The following XYLT1 variants were observed in gnomAD, a reference collection of about 807,000 sequenced individuals.
XYLT1 encodes the protein beta-D-xylosyltransferase 1.
A neutral mutation model predicts 91.3 loss-of-function variants in XYLT1; 36 were observed. The observed-to-expected ratio is 0.39, with a 90% CI of 0.30 to 0.52. The LOEUF (loss-of-function observed/expected upper bound fraction) is 0.52, where lower values mean the gene tolerates loss of function less well. XYLT1 is among the 20% of genes least tolerant of loss of function. The pLI, the probability that XYLT1 is intolerant of heterozygous loss-of-function variation, is 0.68. For missense variants in XYLT1, 1,242 were observed against 1,284.5 expected, an observed-to-expected ratio of 0.97 and a Z score of 0.51; for synonymous variants, 588 against 532.0, an observed-to-expected ratio of 1.11 and a Z score of -1.45.
At chr16:17,437,397 C>T (rs971888255) in intron 1 of XYLT1, among the ~76,000 whole-genome samples, 6 of 152,100 alleles carry the variant, frequency 3.9e-5, no homozygotes, top group African/African-American at 1.2e-4. Context: ...CGCCTCCAAT[C>T]GTATTTGGCT....
chr16:17,396,352 T>C (rs958675020), intron 1 of XYLT1, among the ~76,000 whole-genome samples: 8 of 152,176 alleles, frequency 5.3e-5, no homozygotes, highest in African/African-American at 1.7e-4. Context: ...TGGGTGACCT[T>C]GGGCATGTTG....
At chr16:17,168,214 G>A (rs185892642) in intron 5 of XYLT1, among the ~76,000 whole-genome samples, 9 of 152,324 alleles carry the variant, frequency 5.9e-5, no homozygotes, top group Admixed American at 2.0e-4. Context: ...ATGGTGAACT[G>A]GATAAGGAAG....
At chr16:17,272,978 G>A (rs2033918949) in intron 2 of XYLT1, among the ~76,000 whole-genome samples, 1 of 152,182 alleles carries the variant, frequency 6.6e-6, no homozygotes, top group African/African-American at 2.4e-5. Context: ...GGATGCTGTT[G>A]GCAATGAGTG....
intron 3 of XYLT1, among the ~76,000 whole-genome samples, chr16:17,222,771 C>A (rs2032992604): frequency 8.5e-6 from 1 of 117,338 alleles, no homozygotes; most frequent in Non-Finnish European, 1.6e-5. Context: ...GCCTGGGTGA[C>A]AGAGCAAAAC....
chr16:17,301,966 C>T (rs2034402351), intron 2 of XYLT1, among the ~76,000 whole-genome samples: 1 of 152,154 alleles, frequency 6.6e-6, no homozygotes, highest in African/African-American at 2.4e-5. Context: ...AATCTCAGCA[C>T]TTTGGGAGGC....
rs564275188 is a variant in XYLT1, at chr16:17,244,147, C to G, written c.913+14841G>C. On this transcript the variant is annotated intron_variant, in intron 3 of 11. Coordinates refer to ENST00000261381, the MANE Select transcript of XYLT1 (RefSeq NM_022166.4). ...AGGGAAAGGGCAGAACTAGGGGGAACAGGATGTTCTCCCAGGTCCGGGCTT... is the reference window on the plus strand; with the variant it reads ...AGGGAAAGGGCAGAACTAGGGGGAAGAGGATGTTCTCCCAGGTCCGGGCTT... Among the ~76,000 whole-genome samples the G allele has an allele frequency of 1.6e-4, 24 of 152,202 alleles. 1 individual carries two copies. The South Asian group carries it at 4.8e-3, about 30-fold the overall frequency.
At chr16:17,245,734 T>C (rs2033425508) in intron 3 of XYLT1, among the ~76,000 whole-genome samples, 1 of 152,198 alleles carries the variant, frequency 6.6e-6, no homozygotes, top group Admixed American at 6.5e-5. Context: ...GGGTAATAAA[T>C]TGTGACCTAA....
chr16:17,134,970 T>C (rs543044591), intron 8 of XYLT1, among the ~76,000 whole-genome samples: 3 of 152,254 alleles, frequency 2.0e-5, no homozygotes, highest in African/African-American at 7.2e-5. Context: ...GTAAGCATCA[T>C]TTCTTAGTAA....
intron 3 of XYLT1, among the ~76,000 whole-genome samples, chr16:17,202,228 A>C (rs1597188553): frequency 6.6e-6 from 1 of 152,186 alleles, no homozygotes; most frequent in Non-Finnish European, 1.5e-5. Context: ...AGTAGCTGCA[A>C]GTGTCCCAGC....
chr16:17,301,246 A>G (rs2034390742), intron 2 of XYLT1, among the ~76,000 whole-genome samples: 2 of 152,110 alleles, frequency 1.3e-5, no homozygotes, highest in Middle Eastern at 3.4e-3. Flanking sequence ...CTCTGTCTCT[A>G]CTACAAATAT....
intron 10 of XYLT1, among the ~76,000 whole-genome samples, chr16:17,121,575 A>T (rs1416124525): frequency 6.6e-6 from 1 of 152,192 alleles, no homozygotes; most frequent in Admixed American, 6.5e-5. Flanking sequence ...TTGAGTTTAT[A>T]ATGTGTATGT....
chr16:17,325,088 T>C (rs962922201), intron 2 of XYLT1, among the ~76,000 whole-genome samples: 1 of 152,084 alleles, frequency 6.6e-6, no homozygotes, highest in Non-Finnish European at 1.5e-5. Context: ...ATATATATGA[T>C]GTTTGAAAAG....
intron 1 of XYLT1, among the ~76,000 whole-genome samples, chr16:17,438,982 C>A (rs1343973050): frequency 6.6e-6 from 1 of 152,122 alleles, no homozygotes; most frequent in Non-Finnish European, 1.5e-5. Context: ...AGTCAGTACA[C>A]CTCCATGTCT....
At position 17,223,669 on chromosome 16, in the gene XYLT1, T is replaced by C. The variant is rs116176791; in HGVS notation, c.914-23015A>G. ...GGGCCTGGATCCCTGAATTACAACATGGAGGGGAGTCAATCAGGAACATCT... is the reference window on the plus strand; with the variant it reads ...GGGCCTGGATCCCTGAATTACAACACGGAGGGGAGTCAATCAGGAACATCT... On this transcript the variant is annotated intron_variant, in intron 3 of 11. Coordinates refer to ENST00000261381, the MANE Select transcript of XYLT1 (RefSeq NM_022166.4). 1.3e-3 allele frequency among the ~76,000 whole-genome samples: 201 copies of C among 152,264 alleles called. 1 individual carries two copies. Among genetic ancestry groups the C allele is most frequent in the African/African-American group, 4.4e-3 (183 of 41,548 alleles).
Position 17,358,280 on chromosome 16 carries a change from T to A in XYLT1, c.364-230A>T, listed in dbSNP as rs115700157. Among the ~76,000 whole-genome samples, 760 of 152,132 alleles carry A rather than the reference T, an allele frequency of 5.0e-3. 6 individuals are homozygous for A. Among genetic ancestry groups the A allele is most frequent in the African/African-American group, 0.017 (720 of 41,494 alleles). ...TCCCAAGTAGCTATGACTACAGGCA[T>A]GCACTATCATGCCAGGCTTTTTTAA... On this transcript the variant is annotated intron_variant, in intron 1 of 11. Coordinates refer to ENST00000261381, the MANE Select transcript of XYLT1 (RefSeq NM_022166.4).
intron 1 of XYLT1, among the ~76,000 whole-genome samples, chr16:17,414,653 T>C (rs1350769013): frequency 6.6e-6 from 1 of 152,116 alleles, no homozygotes; most frequent in Non-Finnish European, 1.5e-5. Context: ...CAAAAGGGCA[T>C]TTCTGCAAAG....
chr16:17,108,906 T>C lies in XYLT1; in HGVS notation c.2669A>G (p.Gln890Arg), dbSNP rs1321384222. The C allele has an allele frequency of 6.8e-6, 11 of 1,606,414 alleles. No individual in the cohort carries two copies. The Admixed American group carries it at 1.5e-4, about 22-fold the overall frequency. ...CGTGGAGGCTGCGTTCCTCCGTGCC[T>C]GTTCCACCTGGGCGGGGTTGATGGG... is the stretch of plus-strand genomic sequence containing the variant. ...SLPINPAQVE[Q>R]ARRNAASTGT... Residue 890 changes from glutamine (Q) to arginine (R), a missense_variant, in exon 12 of 12, where the codon CAG becomes CGG. Gln to Arg is a conservative substitution (Grantham distance 43). Coordinates refer to ENST00000261381, the MANE Select transcript of XYLT1 (RefSeq NM_022166.4).
At chr16:17,431,361 T>G (rs183092488) in intron 1 of XYLT1, among the ~76,000 whole-genome samples, 1 of 152,266 alleles carries the variant, frequency 6.6e-6, no homozygotes, top group East Asian at 1.9e-4. Context: ...GGCTTGAGAT[T>G]CTGCATTCCT....
chr16:17,432,735 AC>A (rs1331995837), intron 1 of XYLT1, among the ~76,000 whole-genome samples: 1 of 151,492 alleles, frequency 6.6e-6, no homozygotes, highest in Non-Finnish European at 1.5e-5. Flanking sequence ...TTCATCGCTC[AC>A]CTCTCTAGTC....
Sources: allele counts gnomAD v4.1 joint callset (sites outside exome capture counted in the v4.1 genomes callset), GRCh38; gene constraint gnomAD v4.1.1; transcripts MANE v1.5; gene names NCBI Gene and HGNC (gene_info 2026-07-23, HGNC 2026-07-21).